TENM3: variants seen among roughly 807,000 people sequenced by gnomAD.
TENM3 encodes the protein teneurin transmembrane protein 3.
A neutral mutation model predicts 255.1 loss-of-function variants in TENM3; 63 were observed. The observed-to-expected ratio is 0.25, with a 90% confidence interval of 0.20 to 0.30. TENM3 has a LOEUF of 0.30. TENM3 is among the 10% of genes least tolerant of loss of function. The pLI is 1.00. For missense variants in TENM3, 2,929 were observed against 3,461.1 expected (o/e 0.85, Z 3.86); for synonymous variants, 1,306 against 1,322.3 (o/e 0.99, Z 0.27).
At chr4:181,853,423 A>G in the TENM3 span, among the ~76,000 whole-genome samples, 1 of 152,236 alleles carries the variant, frequency 6.6e-6, no homozygotes, top group Admixed American at 6.5e-5. Context: ...ATGTTCCGTG[A>G]AAATATAAAT....
chr4:181,942,133 T>G, the TENM3 span, among the ~76,000 whole-genome samples: 1 of 152,280 alleles, frequency 6.6e-6, no homozygotes. Flanking sequence ...GGACAGTCAC[T>G]TCCTAATCTC....
the TENM3 span, among the ~76,000 whole-genome samples, chr4:181,935,423 C>T: frequency 6.6e-6 from 1 of 152,268 alleles, no homozygotes; most frequent in Non-Finnish European, 1.5e-5. Flanking sequence ...TGCAGAAACT[C>T]TCATTCCTCT....
the TENM3 span, among the ~76,000 whole-genome samples, chr4:181,713,963 G>A: frequency 6.6e-6 from 1 of 152,062 alleles, no homozygotes; most frequent in Non-Finnish European, 1.5e-5. Flanking sequence ...GTACTTTGTG[G>A]GGTCTTTCAT....
chr4:181,984,789 CGTGTGTGTGTGTGTGTGTGTGTGTGT>C, the TENM3 span, among the ~76,000 whole-genome samples: 1 of 138,586 alleles, frequency 7.2e-6, no homozygotes, highest in Non-Finnish European at 1.6e-5. Flanking sequence ...CTAAAAGAGT[CGTGTGTGTGTGTGTGTGTGTGTGTGT>C]GTGTGTGTGT....
intron 3 of TENM3, 57 bp downstream of exon 3, chr4:182,346,986 T>G: frequency 6.5e-6 from 7 of 1,083,458 alleles, no homozygotes; most frequent in South Asian, 1.7e-5. Context: ...TCTGTTTTGG[T>G]TGACTCCGCG....
At chr4:181,772,392 A>C in the TENM3 span, among the ~76,000 whole-genome samples, 1 of 152,012 alleles carries the variant, frequency 6.6e-6, no homozygotes, top group African/African-American at 2.4e-5. Context: ...AAAAAATGAT[A>C]ATAATAATAA....
At chr4:182,440,776 G>A (rs1013274325) in intron 3 of TENM3, among the ~76,000 whole-genome samples, 2 of 151,868 alleles carry the variant, frequency 1.3e-5, no homozygotes, top group African/African-American at 4.8e-5. Flanking sequence ...TCACTTCTGC[G>A]GAAGACCGTG....
intron 1 of TENM3, among the ~76,000 whole-genome samples, chr4:182,156,472 G>A (rs1369835784): frequency 6.6e-6 from 1 of 152,076 alleles, no homozygotes; most frequent in Non-Finnish European, 1.5e-5. Flanking sequence ...AGTGAGCATA[G>A]TATCCAGCAG....
intron 1 of TENM3, among the ~76,000 whole-genome samples, chr4:182,209,468 G>T (rs138253628): frequency 6.6e-6 from 1 of 151,972 alleles, no homozygotes; most frequent in Admixed American, 6.6e-5. Context: ...CAAGACTCCT[G>T]CTGGCAGACC....
At chr4:182,139,197 T>C (rs1011787518), upstream of TENM3, among the ~76,000 whole-genome samples, 8 of 152,140 alleles carry the variant, frequency 5.3e-5, no homozygotes, top group Non-Finnish European at 1.5e-5. Flanking sequence ...CTTTATTACA[T>C]GCAGAAAACA....
chr4:182,097,174 C>A, the TENM3 span, among the ~76,000 whole-genome samples: 1 of 152,076 alleles, frequency 6.6e-6, no homozygotes, highest in African/African-American at 2.4e-5. Flanking sequence ...TTAAGCCATG[C>A]AAGTGATTTC....
intron 1 of TENM3, among the ~76,000 whole-genome samples, chr4:182,247,450 C>T (rs900644575): frequency 6.6e-6 from 1 of 152,178 alleles, no homozygotes; most frequent in East Asian, 1.9e-4. Flanking sequence ...AGAACTCACC[C>T]GCCTTAGAAG....
At chr4:181,863,928 A>G in the TENM3 span, among the ~76,000 whole-genome samples, 1 of 152,196 alleles carries the variant, frequency 6.6e-6, no homozygotes. Flanking sequence ...TAATAATGTC[A>G]CAAATATGTT....
At chr4:181,978,302 G>T in the TENM3 span, among the ~76,000 whole-genome samples, 21 of 152,268 alleles carry the variant, frequency 1.4e-4, no homozygotes, top group African/African-American at 4.3e-4. Context: ...GCAGAACCAG[G>T]ATGAGAAGGG....
At chr4:182,025,547 T>C in the TENM3 span, among the ~76,000 whole-genome samples, 1 of 152,138 alleles carries the variant, frequency 6.6e-6, no homozygotes, top group South Asian at 2.1e-4. Context: ...GCAGTGGAAT[T>C]TTATAGTTTT....
At chr4:181,913,403 T>C in the TENM3 span, among the ~76,000 whole-genome samples, 1 of 152,278 alleles carries the variant, frequency 6.6e-6, no homozygotes, top group Admixed American at 6.5e-5. Context: ...TATAGAAGGT[T>C]GCATCTTGCG....
the TENM3 span, among the ~76,000 whole-genome samples, chr4:181,863,130 T>G: frequency 6.6e-6 from 1 of 152,306 alleles, no homozygotes; most frequent in South Asian, 2.1e-4. Flanking sequence ...TTTAATACTT[T>G]GAGAATTTGA....
At chr4:182,686,397 G>A (rs1175317750) in intron 11 of TENM3, among the ~76,000 whole-genome samples, 2 of 151,926 alleles carry the variant, frequency 1.3e-5, no homozygotes, top group African/African-American at 4.8e-5. Context: ...GCTTATAAAA[G>A]CACTGTTAAT....
the TENM3 span, among the ~76,000 whole-genome samples, chr4:181,993,074 T>C: frequency 6.6e-6 from 1 of 152,156 alleles, no homozygotes; most frequent in Admixed American, 6.5e-5. Context: ...TAATTGCCTG[T>C]AAGGACTTTT....
Sources: gnomAD v4.1 joint callset for allele counts (sites outside exome capture counted in the v4.1 genomes callset) on GRCh38, gnomAD v4.1.1 for gene constraint, MANE v1.5 for transcripts, NCBI Gene and HGNC (gene_info 2026-07-23, HGNC 2026-07-21) for gene names.